Variants in TNC observed in about 807,000 individuals in gnomAD.
TNC encodes the protein tenascin C.
TNC carries 109 observed loss-of-function variants against 202.4 expected under a neutral mutation model. That is an observed-to-expected ratio of 0.54 (90% CI 0.46 to 0.63). The LOEUF (loss-of-function observed/expected upper bound fraction) is 0.63. TNC is among the 30% of genes least tolerant of loss of function. The pLI is 0.00. For synonymous variants in TNC, 1,007 were observed against 1,089.7 expected, an observed-to-expected ratio of 0.92 and a Z score of 1.50; for missense variants, 2,756 against 2,833.3, an observed-to-expected ratio of 0.97 and a Z score of 0.62.
intron 1 of TNC, among the ~76,000 whole-genome samples, chr9:115,102,250 G>T (rs923444015): frequency 1.3e-5 from 2 of 152,170 alleles, no homozygotes; most frequent in Non-Finnish European, 2.9e-5. Flanking sequence ...AAGCAAAGGA[G>T]CTATGAGTCA....
intron 13 of TNC, among the ~76,000 whole-genome samples, chr9:115,061,700 G>C (rs1322833146): frequency 6.6e-6 from 1 of 152,224 alleles, no homozygotes; most frequent in Non-Finnish European, 1.5e-5. Flanking sequence ...AGCATATGTA[G>C]AGTGGGGCAT....
Position 115,081,801 on chromosome 9 carries a change from C to T in TNC, c.2375G>A (p.Gly792Asp). The T allele has an allele frequency of 1.2e-6, 2 of 1,613,660 alleles. No individual in the cohort carries two copies. Among genetic ancestry groups the T allele is most frequent in the Non-Finnish European group, 1.7e-6 (2 of 1,179,882 alleles). The change falls in exon 6 of 28, where the codon GGC (glycine) becomes GAC (aspartate). Residue 792 changes from glycine (G) to aspartate (D), a missense_variant. Physicochemically the swap from Gly to Asp is moderately conservative, Grantham distance 94 (BLOSUM62 -1). This residue lies in a region of TNC where 2,559 missense variants were observed against 2,546.0 expected (regional missense o/e 1.01). Transcript: ENST00000350763. ...GGTGGTCACCCTCTTCAGGCCAGGG[C>T]CCCGGGTATTGTTTTTCACTATGTG... is the stretch of plus-strand genomic sequence containing the variant. The part of the protein sequence containing the change: ...SLHIVKNNTR[G>D]PGLKRVTTTR...
intron 27 of TNC, among the ~76,000 whole-genome samples, chr9:115,021,700 G>T (rs1310208860): frequency 6.6e-6 from 1 of 152,146 alleles, no homozygotes; most frequent in African/African-American, 2.4e-5. Context: ...TTTGATAGGG[G>T]TTTGGTATGG....
At chr9:115,022,573 T>G (rs1206892877) in intron 27 of TNC, among the ~76,000 whole-genome samples, 6 of 149,292 alleles carry the variant, frequency 4.0e-5, no homozygotes, top group African/African-American at 1.5e-4. Flanking sequence ...AGCTTGTTGG[T>G]TTTTTTTTTC....
At chr9:115,051,527 T>C (rs1322185694) in intron 15 of TNC, among the ~76,000 whole-genome samples, 1 of 99,514 alleles carries the variant, frequency 1.0e-5, no homozygotes, top group Non-Finnish European at 2.1e-5. Flanking sequence ...TTTTCTTTTT[T>C]CTTTTTTTTC....
rs1247918524 is a variant in TNC at position 115,118,065 on chromosome 9, C to G, written c.-220G>C. The G allele has an allele frequency of 1.3e-5, 2 of 152,228 alleles. No homozygotes were observed. The highest frequency in any genetic ancestry group is 2.9e-5 in the Non-Finnish European group (2 of 68,104). 9.4% of individuals were successfully genotyped at this position (152,228 alleles called of 1,614,324 possible). On this transcript the variant is annotated 5_prime_UTR_variant, in exon 1 of 28. Transcript: ENST00000350763. ...GGCGGTTCCCACGTGCGCGTTCCCC[C>G]GAGTTCCCCAGCAGCGCTGCCTTTG...
chr9:115,064,819 G>C lies in TNC; in HGVS notation c.3315C>G (p.Ile1105Met). 6.2e-7 allele frequency: 1 copy of C among 1,614,192 alleles called. No individual in the cohort carries two copies. Among genetic ancestry groups the C allele is most frequent in the Non-Finnish European group, 8.5e-7 (1 of 1,180,034 alleles). Residue 1105 changes from isoleucine (I) to methionine (M), a missense_variant, in exon 11 of 28, where the codon ATC (isoleucine) becomes ATG (methionine). Ile to Met is a conservative substitution (Grantham distance 10, BLOSUM62 1). Coordinates refer to ENST00000350763, the MANE Select transcript of TNC (RefSeq NM_002160.4). ...CCTTGTTGGCCTCCTGCACCTGAATGATAAAGTGCTCATAGGCCTGGTCAG... is the reference window on the plus strand; with the variant it reads ...CCTTGTTGGCCTCCTGCACCTGAATCATAAAGTGCTCATAGGCCTGGTCAG... Reference protein sequence around the residue: ...TAADQAYEHFIIQVQEANKVE... With the variant: ...TAADQAYEHFMIQVQEANKVE...
In TNC at chr9:115,046,449, C is replaced by T. The variant is rs745619568; in HGVS notation, c.5086G>A (p.Gly1696Arg). 9 of 1,614,016 alleles carry T rather than the reference C, an allele frequency of 5.6e-6. No individual in the cohort carries two copies. Among genetic ancestry groups the T allele is most frequent in the South Asian group, 5.5e-5 (5 of 91,082 alleles). Residue 1696 changes from glycine to arginine, a missense_variant, in exon 17 of 28, where the codon GGA becomes AGA. Transcript: ENST00000350763. ...YEIELYGISK[G>R]RRSQTVSAIA... ...GCACTGACTGTCTGGGATCGCCTTC[C>T]TTTGCTTATTCCATAGAGTTCAATT...
rs543910591 is a variant in TNC, at chr9:115,062,428, G to A, written c.4033+489C>T. Among the ~76,000 whole-genome samples the A allele has an allele frequency of 1.4e-4, 22 of 152,026 alleles. No individual in the cohort carries two copies. The South Asian group carries it at 4.6e-3, about 32-fold the overall frequency. The stretch of plus-strand genomic sequence containing the variant: ...TTGAGACCAGGCTGGGCAAAATGGT[G>A]AAACTCCATCTCTACAAAAAATACA... On this transcript the variant is annotated intron_variant, in intron 13 of 27. Transcript: ENST00000350763.
At chr9:115,058,085 G>A (rs2132468527) in intron 14 of TNC, among the ~76,000 whole-genome samples, 1 of 152,234 alleles carries the variant, frequency 6.6e-6, no homozygotes, top group Non-Finnish European at 1.5e-5. Context: ...GCTGCTATGT[G>A]GGCCAAAAAG....
chr9:115,046,749 C>T, intron 16 of TNC, 67 bp from the exon 17 acceptor site: 1 of 1,575,654 alleles, frequency 6.3e-7, no homozygotes, highest in South Asian at 1.1e-5. Context: ...GTGCAATCTT[C>T]TCTCCAGTAG....
rs374002102 is a variant in TNC, at chr9:115,086,871, T to C, written c.860A>G (p.Asn287Ser). ...DDCNKPLCLNNCYNRGRCVEN... is the reference protein window; with the variant it reads ...DDCNKPLCLNSCYNRGRCVEN... ...CACGCATCGTCCACGGTTGTAGCAA[T>C]TGTTGAGACACAGAGGCTTGTTGCA... is the stretch of plus-strand genomic sequence containing the variant. The change falls in exon 3 of 28, where the codon AAT becomes AGT. Residue 287 changes from asparagine to serine, a missense_variant. Physicochemically the swap from Asn to Ser is conservative, Grantham distance 46 (BLOSUM62 1). Transcript: ENST00000350763. The C allele has an allele frequency of 7.8e-5, 126 of 1,614,042 alleles. 1 individual carries two copies. Among genetic ancestry groups the C allele is most frequent in the Middle Eastern group, 3.3e-4 (2 of 6,082 alleles).
chr9:115,054,179 T>A (rs1831920977), intron 15 of TNC, among the ~76,000 whole-genome samples: 1 of 152,182 alleles, frequency 6.6e-6, no homozygotes, highest in South Asian at 2.1e-4. Context: ...GGGAGTTATT[T>A]TGCTTCAGCT....
intron 1 of TNC, among the ~76,000 whole-genome samples, chr9:115,092,765 T>C (rs1434442343): frequency 6.4e-5 from 9 of 140,910 alleles, no homozygotes; most frequent in Non-Finnish European, 1.2e-4. Flanking sequence ...TTTTTTTTTT[T>C]AGTAGAGTTG....
intron 22 of TNC, among the ~76,000 whole-genome samples, chr9:115,034,593 G>C (rs935783489): frequency 3.9e-5 from 6 of 152,144 alleles, no homozygotes; most frequent in African/African-American, 1.4e-4. Context: ...GCCAGAAAAA[G>C]ATCAATGTGT....
chr9:115,084,267 A>G lies in TNC; in HGVS notation c.2073T>C (p.Arg691=). ...ELEPGVEYFI[R]VFAILENKKS... ...TCTTGTTCTCCAGGATGGCAAATACACGGATAAAGTACTCCACACCAGGCT... is the reference window on the plus strand; with the variant it reads ...TCTTGTTCTCCAGGATGGCAAATACGCGGATAAAGTACTCCACACCAGGCT... The change falls in exon 4 of 28, where the codon CGT becomes CGC. Residue 691 remains arginine, a synonymous_variant. Transcript: ENST00000350763. 6.2e-7 allele frequency: 1 copy of G among 1,614,140 alleles called. No homozygotes were observed. Among genetic ancestry groups the G allele is most frequent in the Non-Finnish European group, 8.5e-7 (1 of 1,180,014 alleles).
Position 115,086,426 on chromosome 9 carries a change from G to T in TNC, c.1305C>A (p.Ser435Arg), listed in dbSNP as rs1281094051. The change falls in exon 3 of 28, where the codon AGC becomes AGA. Residue 435 changes from serine to arginine, a missense_variant. Ser to Arg is a moderately radical substitution (Grantham distance 110). Transcript: ENST00000350763. ...GACAGTCATTGGGGCACCGTAGCTGGCTGCAGTCCTCCCCAGTATAGCCCT... is the reference window on the plus strand; with the variant it reads ...GACAGTCATTGGGGCACCGTAGCTGTCTGCAGTCCTCCCCAGTATAGCCCT... ...CDEGYTGEDC[S>R]QLRCPNDCHS... is the part of the protein sequence containing the mutation. The T allele has an allele frequency of 3.7e-6, 6 of 1,612,968 alleles. No individual in the cohort carries two copies. The African/African-American group carries it at 6.7e-5, about 18-fold the overall frequency.
In TNC at chr9:115,020,646, C is replaced by A. The variant is rs1369801283; in HGVS notation, c.*511G>T. Reference sequence around the variant, plus strand: ...CCTTAGTTTTCATCATCATCATCATCATTATTATATTAATAATATTAATCA... The same window carrying A: ...CCTTAGTTTTCATCATCATCATCATAATTATTATATTAATAATATTAATCA... On this transcript the variant is annotated 3_prime_UTR_variant, in exon 28 of 28. Coordinates refer to ENST00000350763, the MANE Select transcript of TNC (RefSeq NM_002160.4). 1.4e-5 allele frequency: 5 copies of A among 355,766 alleles called. No individual in the cohort carries two copies. The highest frequency in any genetic ancestry group is 4.3e-5 in the African/African-American group (2 of 46,822). 22.0% of individuals were successfully genotyped at this position (355,766 alleles called of 1,614,324 possible). A position where few individuals can be genotyped will look rare whatever the true frequency, so the allele number is the denominator to read the frequency against.
In TNC at chr9:115,078,054, C is replaced by T. The variant is rs965522543; in HGVS notation, c.2563G>A (p.Glu855Lys). 14 of 1,614,106 alleles carry T rather than the reference C, an allele frequency of 8.7e-6. No homozygotes were observed. Among genetic ancestry groups the T allele is most frequent in the Admixed American group, 3.3e-5 (2 of 60,008 alleles). Residue 855 changes from glutamate (E) to lysine (K), a missense_variant, in exon 7 of 28, where the codon GAG becomes AAG. Around this residue, in one of 2 missense-constraint regions of TNC, gnomAD observed 2,559 missense variants for 2,546.0 expected, o/e 1.01. Coordinates refer to ENST00000350763, the MANE Select transcript of TNC (RefSeq NM_002160.4). Reference protein sequence around the residue: ...DRTTIDLTEDENQYSIGNLKP... With the variant: ...DRTTIDLTEDKNQYSIGNLKP... Reference sequence around the variant, plus strand: ...AGGTTCCCGATGGAGTACTGGTTCTCGTCCTCTGTGAGATCGATGGTGGTA... The same window carrying T: ...AGGTTCCCGATGGAGTACTGGTTCTTGTCCTCTGTGAGATCGATGGTGGTA...
Sources: allele counts gnomAD v4.1 joint callset (sites outside exome capture counted in the v4.1 genomes callset), GRCh38; gene constraint gnomAD v4.1.1; regional missense constraint gnomAD v4.1.1; transcripts MANE v1.5; gene names NCBI Gene and HGNC (gene_info 2026-07-23, HGNC 2026-07-21).